Variants in RFTN1 observed in about 807,000 individuals in gnomAD.
The protein encoded by RFTN1 is raftlin.
A neutral mutation model predicts 46.5 loss-of-function variants in RFTN1; 26 were observed. That is an observed-to-expected ratio of 0.56 (90% CI 0.41 to 0.78). The LOEUF is 0.78. Ranked by LOEUF, RFTN1 falls within the 30% of genes least tolerant of loss-of-function variation. The pLI, the probability that RFTN1 is intolerant of heterozygous loss-of-function variation, is 0.00. For missense variants in RFTN1, 693 were observed against 718.7 expected (o/e 0.96, Z 0.41); for synonymous variants, 261 against 284.2 (o/e 0.92, Z 0.82).
rs1318078981 is a variant in RFTN1 at position 16,448,499 on chromosome 3, G to A, written c.146-14462C>T. Among the ~76,000 whole-genome samples, 1 of 152,156 alleles carries A rather than the reference G, an allele frequency of 6.6e-6. No homozygotes were observed. Among genetic ancestry groups the A allele is most frequent in the Non-Finnish European group, 1.5e-5 (1 of 68,032 alleles). On this transcript the variant is annotated intron_variant, in intron 2 of 9. Coordinates refer to ENST00000334133, the MANE Select transcript of RFTN1 (RefSeq NM_015150.2). This position sits in a 1 kb window ranked among gnomAD's most constrained non-coding sequence, Gnocchi z 4.1. ...TAACACCAAGGAATGGGGACAAGCT[G>A]TCACAACCCTTACAATGTGGGATCA...
intron 4 of RFTN1, among the ~76,000 whole-genome samples, chr3:16,403,777 ATAT>A (rs1479062189): frequency 2.8e-4 from 5 of 17,696 alleles, no homozygotes; most frequent in African/African-American, 1.5e-3. Flanking sequence ...TATATAATAT[ATAT>A]TATATATTTT....
intron 2 of RFTN1, among the ~76,000 whole-genome samples, chr3:16,471,258 C>T (rs999294107): frequency 2.0e-5 from 3 of 152,126 alleles, no homozygotes; most frequent in Non-Finnish European, 2.9e-5. Context: ...GCAAAATGGG[C>T]CACATGTCAC....
At chr3:16,467,098 G>C (rs931697031) in intron 2 of RFTN1, among the ~76,000 whole-genome samples, 1 of 152,140 alleles carries the variant, frequency 6.6e-6, no homozygotes, top group East Asian at 1.9e-4. Flanking sequence ...CAAAAAGGGG[G>C]GTGAGGGTTT....
intron 2 of RFTN1, among the ~76,000 whole-genome samples, chr3:16,437,188 C>A (rs1421125008): frequency 1.3e-5 from 2 of 152,204 alleles, no homozygotes; most frequent in African/African-American, 4.8e-5. Context: ...AATACATTTT[C>A]CTTTTTCACT....
Position 16,374,620 on chromosome 3 carries a change from G to A in RFTN1, c.826+3098C>T, listed in dbSNP as rs1373693997. ...AGCATTTTAAGTGAGGAGGTGCAGGGTAGGAAGGGCAGTGCTTGGAAGACT... is the reference window on the plus strand; with the variant it reads ...AGCATTTTAAGTGAGGAGGTGCAGGATAGGAAGGGCAGTGCTTGGAAGACT... On this transcript the variant is annotated intron_variant, in intron 5 of 9. Coordinates refer to ENST00000334133, the MANE Select transcript of RFTN1 (RefSeq NM_015150.2). This position sits in a 1 kb window ranked among gnomAD's most constrained non-coding sequence, Gnocchi z 5.4. Among the ~76,000 whole-genome samples the A allele has an allele frequency of 1.3e-5, 2 of 152,198 alleles. No individual in the cohort carries two copies. The highest frequency in any genetic ancestry group is 4.8e-5 in the African/African-American group (2 of 41,444).
intron 4 of RFTN1, among the ~76,000 whole-genome samples, chr3:16,395,724 C>A (rs1304394322): frequency 6.6e-6 from 1 of 152,156 alleles, no homozygotes; most frequent in Non-Finnish European, 1.5e-5. Context: ...AAAATGAAAG[C>A]AATATGAAAT....
At chr3:16,431,820 G>T (rs535322956) in intron 3 of RFTN1, among the ~76,000 whole-genome samples, 2 of 152,320 alleles carry the variant, frequency 1.3e-5, no homozygotes, top group South Asian at 4.1e-4. Context: ...GAAGATCAAA[G>T]ATATCCTCCC....
At chr3:16,467,093 A>C (rs2076108686) in intron 2 of RFTN1, among the ~76,000 whole-genome samples, 1 of 152,158 alleles carries the variant, frequency 6.6e-6, no homozygotes, top group South Asian at 2.1e-4. Flanking sequence ...CAAAACAAAA[A>C]GGGGGGTGAG....
chr3:16,442,107 A>T lies in RFTN1; in HGVS notation c.146-8070T>A, dbSNP rs369888558. 2.5e-3 allele frequency among the ~76,000 whole-genome samples: 378 copies of T among 152,330 alleles called. 1 individual carries two copies. Among genetic ancestry groups the T allele is most frequent in the African/African-American group, 8.5e-3 (353 of 41,570 alleles). On this transcript the variant is annotated intron_variant, in intron 2 of 9. Coordinates refer to ENST00000334133, the MANE Select transcript of RFTN1 (RefSeq NM_015150.2). This position sits in a 1 kb window ranked among gnomAD's most constrained non-coding sequence, Gnocchi z 4.1. ...GACTTCTGTCATCTTCTCATTAAAC[A>T]AACTCATGTATCTGAAACTTAAAAA...
Position 16,361,754 on chromosome 3 carries a change from G to A in RFTN1, c.1031-3707C>T, listed in dbSNP as rs1219742789. Among the ~76,000 whole-genome samples the A allele has an allele frequency of 6.6e-6, 1 of 152,178 alleles. No homozygotes were observed. Among genetic ancestry groups the A allele is most frequent in the Admixed American group, 6.5e-5 (1 of 15,280 alleles). ...CTTGGCCAATGGGATATTAGCAGGT[G>A]TAATGCAAGCAGAGACATAAAAAGC... On this transcript the variant is annotated intron_variant, in intron 6 of 9. Transcript: ENST00000334133. This position sits in a 1 kb window ranked among gnomAD's most constrained non-coding sequence, Gnocchi z 4.3.
At chr3:16,476,867 G>T (rs1222628914) in intron 2 of RFTN1, among the ~76,000 whole-genome samples, 1 of 152,144 alleles carries the variant, frequency 6.6e-6, no homozygotes, top group Non-Finnish European at 1.5e-5. Flanking sequence ...TACATTGCAA[G>T]CCTGGAGAGA....
intron 4 of RFTN1, among the ~76,000 whole-genome samples, chr3:16,404,321 A>AATATATAAT (rs1491360504): frequency 0.12 from 2,775 of 22,556 alleles, 909 homozygotes; most frequent in African/African-American, 0.37. Context: ...TATTATATAT[A>AATATATAAT]ATATATAATA....
At chr3:16,472,276 A>G (rs1174649892) in intron 2 of RFTN1, among the ~76,000 whole-genome samples, 5 of 152,172 alleles carry the variant, frequency 3.3e-5, no homozygotes, top group Admixed American at 1.3e-4. Flanking sequence ...GCCACTGAGA[A>G]AGGCAAAGTG....
chr3:16,375,413 A>T (rs1356816672), intron 5 of RFTN1, among the ~76,000 whole-genome samples: 3 of 151,982 alleles, frequency 2.0e-5, no homozygotes, highest in Non-Finnish European at 4.4e-5. Flanking sequence ...CTATTTGTAA[A>T]ATGGATCTAG....
rs974583129 is a variant in RFTN1 at position 16,506,453 on chromosome 3, G to C, written c.-9+6989C>G. Among the ~76,000 whole-genome samples the C allele has an allele frequency of 2.0e-5, 3 of 152,148 alleles. No individual in the cohort carries two copies. Among genetic ancestry groups the C allele is most frequent in the Non-Finnish European group, 2.9e-5 (2 of 68,024 alleles). The stretch of plus-strand genomic sequence containing the variant: ...ACTCTGGCCATGACTGACCATGACA[G>C]CAGGGAACCCAGATGACAGTAAGTA... On this transcript the variant is annotated intron_variant, in intron 1 of 9. Coordinates refer to ENST00000334133, the MANE Select transcript of RFTN1 (RefSeq NM_015150.2). The surrounding 1 kb of genome is among the most constrained non-coding windows in gnomAD (Gnocchi z 4.8).
chr3:16,448,141 C>A lies in RFTN1; in HGVS notation c.146-14104G>T, dbSNP rs2075765523. ...ACTTGGTAAAAAAAAAAAAAGTCTCCCAATAATAATTTTTTATTGATTCCA... is the reference window on the plus strand; with the variant it reads ...ACTTGGTAAAAAAAAAAAAAGTCTCACAATAATAATTTTTTATTGATTCCA... On this transcript the variant is annotated intron_variant, in intron 2 of 9. Coordinates refer to ENST00000334133, the MANE Select transcript of RFTN1 (RefSeq NM_015150.2). The surrounding 1 kb of genome is among the most constrained non-coding windows in gnomAD (Gnocchi z 4.1). Among the ~76,000 whole-genome samples, 1 of 151,728 alleles carries A rather than the reference C, an allele frequency of 6.6e-6. No homozygotes were observed.
chr3:16,482,754 T>C (rs1270421148), intron 2 of RFTN1: 2 of 1,534,762 alleles, frequency 1.3e-6, no homozygotes, highest in Non-Finnish European at 1.7e-6. Flanking sequence ...ACCAGCAGCA[T>C]CCAAGTCCAC....
Position 16,512,008 on chromosome 3 carries a change from C to A in RFTN1, c.-9+1434G>T, listed in dbSNP as rs2076909585. On this transcript the variant is annotated intron_variant, in intron 1 of 9. Coordinates refer to ENST00000334133, the MANE Select transcript of RFTN1 (RefSeq NM_015150.2). This position sits in a 1 kb window ranked among gnomAD's most constrained non-coding sequence, Gnocchi z 4.3. ...TCACTCAGGCGGGCCAGAAACCCCA[C>A]TGAAGGCAAAAGAGGATGCAGAGCT... Among the ~76,000 whole-genome samples the A allele has an allele frequency of 6.6e-6, 1 of 152,138 alleles. No homozygotes were observed. The highest frequency in any genetic ancestry group is 2.4e-5 in the African/African-American group (1 of 41,422).
chr3:16,487,347 T>TA (rs2076464651), intron 2 of RFTN1, among the ~76,000 whole-genome samples: 1 of 152,236 alleles, frequency 6.6e-6, no homozygotes, highest in South Asian at 2.1e-4. Context: ...GGTACATTGT[T>TA]ATGACTTAGA....
Sources: allele counts gnomAD v4.1 joint callset (sites outside exome capture counted in the v4.1 genomes callset), GRCh38; gene constraint gnomAD v4.1.1; non-coding constraint Gnocchi (gnomAD v3.1); transcripts MANE v1.5; gene names NCBI Gene and HGNC (gene_info 2026-07-23, HGNC 2026-07-21).